The following WDPCP variants were observed in gnomAD, a reference collection of about 807,000 sequenced individuals.
WDPCP encodes WD repeat-containing and planar cell polarity effector protein fritz homolog.
In WDPCP, 71 loss-of-function variants were observed where a neutral mutation model predicts 93.1. That is an observed-to-expected ratio of 0.76 (90% CI 0.63 to 0.93). The LOEUF is 0.93. WDPCP is among the 40% of genes least tolerant of loss of function. WDPCP has a pLI of 0.00. For synonymous variants in WDPCP, 315 were observed against 315.0 expected, an observed-to-expected ratio of 1.00 and a Z score of 0.00; for missense variants, 844 against 887.4, an observed-to-expected ratio of 0.95 and a Z score of 0.62.
At chr2:63,534,169 T>G (rs539868628) in intron 1 of WDPCP, among the ~76,000 whole-genome samples, 3 of 152,234 alleles carry the variant, frequency 2.0e-5, no homozygotes, top group African/African-American at 7.2e-5. Flanking sequence ...AGGAAGAAGC[T>G]GAATCTCTGA....
At chr2:63,204,094 A>G (rs1676134170) in intron 14 of WDPCP, among the ~76,000 whole-genome samples, 1 of 152,132 alleles carries the variant, frequency 6.6e-6, no homozygotes, top group Non-Finnish European at 1.5e-5. Flanking sequence ...CTCATGTGGT[A>G]GCTCTATTTT....
intron 17 of WDPCP, among the ~76,000 whole-genome samples, chr2:63,141,205 A>G (rs1183377705): frequency 6.6e-6 from 1 of 151,780 alleles, no homozygotes; most frequent in Non-Finnish European, 1.5e-5. Context: ...CAGCCTCCCG[A>G]GTAGTTGGGA....
chr2:63,573,713 ATAACCT>A (rs1707712513), intron 1 of WDPCP, among the ~76,000 whole-genome samples: 2 of 152,210 alleles, frequency 1.3e-5, no homozygotes, highest in Non-Finnish European at 2.9e-5. Flanking sequence ...AACAAGAGAG[ATAACCT>A]TAAACTCTGA....
chr2:63,465,907 T>C (rs72821627), intron 6 of WDPCP, among the ~76,000 whole-genome samples: 4,965 of 152,310 alleles, frequency 0.033, 119 homozygotes, highest in Middle Eastern at 0.054. Flanking sequence ...TAATAGTTTG[T>C]ATCTTCGACA....
chr2:63,720,056 TA>T (rs1669392539), intron 2 of WDPCP, among the ~76,000 whole-genome samples: 1 of 152,166 alleles, frequency 6.6e-6, no homozygotes. Context: ...GAATCTTTTA[TA>T]ATATTTGTGT....
intron 14 of WDPCP, among the ~76,000 whole-genome samples, chr2:63,224,582 GA>G (rs1678120198): frequency 6.6e-6 from 1 of 151,830 alleles, no homozygotes; most frequent in Non-Finnish European, 1.5e-5. Context: ...ATCAAGCAAT[GA>G]AAAAAACATG....
At chr2:63,772,658 T>C (rs1187969520) in intron 2 of WDPCP, among the ~76,000 whole-genome samples, 1 of 152,036 alleles carries the variant, frequency 6.6e-6, no homozygotes, top group Non-Finnish European at 1.5e-5. Flanking sequence ...ATGTAATTCA[T>C]GACATTAATA....
intron 6 of WDPCP, among the ~76,000 whole-genome samples, chr2:63,478,721 A>G (rs1001096150): frequency 2.0e-5 from 3 of 152,116 alleles, no homozygotes; most frequent in Admixed American, 1.3e-4. Flanking sequence ...GCGTACATCA[A>G]AATGTCTGAA....
chr2:63,486,398 G>T, intron 4 of WDPCP, 144 bp downstream of exon 4: 1 of 648,870 alleles, frequency 1.5e-6, no homozygotes, highest in Non-Finnish European at 2.7e-6. Context: ...AAATACAATT[G>T]TTACTTATAT....
chr2:63,479,858 AT>A (rs1700169647), intron 6 of WDPCP, among the ~76,000 whole-genome samples: 1 of 152,128 alleles, frequency 6.6e-6, no homozygotes, highest in Non-Finnish European at 1.5e-5. Context: ...TCTATTCAAA[AT>A]AGTACTGGAA....
chr2:63,280,338 A>T (rs1217480979), intron 13 of WDPCP, among the ~76,000 whole-genome samples: 1 of 152,188 alleles, frequency 6.6e-6, no homozygotes, highest in Non-Finnish European at 1.5e-5. Context: ...AACCACTGAT[A>T]AACCCATCAG....
intron 14 of WDPCP, chr2:63,233,699 C>T (rs1454142380): frequency 6.5e-6 from 1 of 153,316 alleles, no homozygotes; most frequent in South Asian, 2.1e-4. Flanking sequence ...TTATGAATCC[C>T]TGTCTTAGTA....
chr2:63,684,270 C>A (rs1668774398), intron 2 of WDPCP: 2 of 531,752 alleles, frequency 3.8e-6, no homozygotes, highest in South Asian at 1.8e-5. Context: ...GTAAGAAACG[C>A]CCTTTTTGCT....
chr2:63,606,718 T>C, intron 3 of WDPCP: 1 of 432,306 alleles, frequency 2.3e-6, no homozygotes, highest in Non-Finnish European at 3.8e-6. Context: ...ATTAGAATTA[T>C]CTATTAATTA....
intron 8 of WDPCP, 121 bp from the exon 9 acceptor site, chr2:63,434,057 CAT>C (rs1205968580): frequency 2.5e-5 from 25 of 988,482 alleles, no homozygotes; most frequent in African/African-American, 3.3e-5. Flanking sequence ...GCATGTTAAA[CAT>C]GTGCGTAAGA....
At chr2:63,685,915 G>C (rs539629003) in intron 2 of WDPCP, among the ~76,000 whole-genome samples, 1 of 152,138 alleles carries the variant, frequency 6.6e-6, no homozygotes, top group Non-Finnish European at 1.5e-5. Flanking sequence ...ATAACTTCAT[G>C]ATAAGAACCC....
At chr2:63,142,306 T>G (rs781743091) in intron 17 of WDPCP, among the ~76,000 whole-genome samples, 1 of 152,196 alleles carries the variant, frequency 6.6e-6, no homozygotes, top group Non-Finnish European at 1.5e-5. Flanking sequence ...CCGCCTTTGC[T>G]GTATCCCAGA....
intron 2 of WDPCP, among the ~76,000 whole-genome samples, chr2:63,778,554 A>G (rs191030628): frequency 4.6e-5 from 7 of 152,234 alleles, no homozygotes; most frequent in Non-Finnish European, 5.9e-5. Flanking sequence ...AGAGCCAACT[A>G]AAATGTCTCG....
At chr2:63,560,297 G>C (rs1706505506) in intron 1 of WDPCP, among the ~76,000 whole-genome samples, 1 of 152,018 alleles carries the variant, frequency 6.6e-6, no homozygotes, top group Admixed American at 6.6e-5. Context: ...ATAATCCTAA[G>C]CAAAAAGAAC....
Sources: allele counts gnomAD v4.1 joint callset (sites outside exome capture counted in the v4.1 genomes callset), GRCh38; gene constraint gnomAD v4.1.1; transcripts MANE v1.5; gene names NCBI Gene and HGNC (gene_info 2026-07-23, HGNC 2026-07-21).